Variants in FAM222B observed in about 807,000 individuals in gnomAD.
The protein encoded by FAM222B is protein FAM222B.
Under a neutral mutation model 38.0 loss-of-function variants are expected in FAM222B, and 12 were observed. That is an observed-to-expected ratio of 0.32 (90% CI 0.20 to 0.51). FAM222B has a LOEUF of 0.51. FAM222B is among the 20% of genes least tolerant of loss of function. The pLI, the probability that FAM222B is intolerant of heterozygous loss-of-function variation, is 0.97. For synonymous variants in FAM222B, 329 were observed against 317.2 expected (o/e 1.04, Z -0.40); for missense variants, 716 against 754.2 (o/e 0.95, Z 0.59).
intron 1 of FAM222B, among the ~76,000 whole-genome samples, chr17:28,819,410 A>C (rs1034137519): frequency 6.6e-6 from 1 of 152,180 alleles, no homozygotes. Context: ...AAAATTATAT[A>C]TATATTCCAT....
Position 28,812,866 on chromosome 17 carries a change from G to T in FAM222B, c.-41+29816C>A, listed in dbSNP as rs376880459. ...CAGCAATTGCCACCTGGAGACACTC[G>T]ACAGTAAAAAGATGCTCCCCAAGCC... On this transcript the variant is annotated intron_variant, in intron 1 of 2. Transcript: ENST00000581407. Among the ~76,000 whole-genome samples the T allele has an allele frequency of 2.6e-5, 4 of 151,072 alleles. No homozygotes were observed. In the East Asian group the frequency reaches 5.8e-4, roughly 22 times the overall value.
chr17:28,792,721 C>T (rs1306958839), intron 1 of FAM222B, among the ~76,000 whole-genome samples: 1 of 149,278 alleles, frequency 6.7e-6, no homozygotes, highest in Non-Finnish European at 1.5e-5. Flanking sequence ...GTGGAAGTTG[C>T]AGTGAGCCAA....
chr17:28,794,523 CTT>C (rs1057437611), intron 1 of FAM222B, among the ~76,000 whole-genome samples: 1 of 151,936 alleles, frequency 6.6e-6, no homozygotes, highest in African/African-American at 2.4e-5. Flanking sequence ...CCCGGCCTGT[CTT>C]TTGCATTTTA....
chr17:28,842,829 C>T (rs2039098198), upstream of FAM222B: 1 of 152,690 alleles, frequency 6.5e-6, no homozygotes, highest in South Asian at 2.0e-4. Flanking sequence ...CGTGTAGCGC[C>T]TGGGCCCTTT....
rs201541427 is a variant in FAM222B, at chr17:28,779,975, C to CT, written c.-40-13269dup. On this transcript the variant is annotated intron_variant, in intron 1 of 2. Coordinates refer to ENST00000581407, the MANE Select transcript of FAM222B (RefSeq NM_001077498.3). ...AAAAAGACAAGGACCACTCTAGCCA[C>CT]TTTTTTTTTTTTTGAGATGAAGTCT... Among the ~76,000 whole-genome samples the CT allele has an allele frequency of 7.6e-3, 1,095 of 144,374 alleles. 5 individuals carry two copies. The highest frequency in any genetic ancestry group is 0.012 in the Non-Finnish European group (757 of 65,676). The allele number at this position is 144,374 out of a possible 152,430, so 94.7% of individuals were successfully genotyped here.
At chr17:28,827,018 G>A (rs936568759) in intron 1 of FAM222B, among the ~76,000 whole-genome samples, 5 of 151,986 alleles carry the variant, frequency 3.3e-5, no homozygotes, top group African/African-American at 9.7e-5. Flanking sequence ...ACAGTGGCTA[G>A]TGTCTATTGT....
chr17:28,843,774 G>A (rs899786051), upstream of FAM222B, among the ~76,000 whole-genome samples: 3 of 152,062 alleles, frequency 2.0e-5, no homozygotes, highest in Non-Finnish European at 4.4e-5. Context: ...CAAGATGATC[G>A]TGTCTAGAAT....
chr17:28,814,441 G>A (rs2151934191), intron 1 of FAM222B, among the ~76,000 whole-genome samples: 1 of 152,240 alleles, frequency 6.6e-6, no homozygotes, highest in South Asian at 2.1e-4. Flanking sequence ...AAAAGGAGCT[G>A]TATGACATGC....
intron 1 of FAM222B, among the ~76,000 whole-genome samples, chr17:28,823,325 T>A (rs546299045): frequency 6.6e-6 from 1 of 151,460 alleles, no homozygotes; most frequent in African/African-American, 2.4e-5. Flanking sequence ...TTACGTGACC[T>A]CTATATAGCA....
intron 1 of FAM222B, among the ~76,000 whole-genome samples, chr17:28,811,059 CA>C (rs61081382): frequency 0.21 from 31,064 of 147,594 alleles, 3,311 homozygotes; most frequent in South Asian, 0.3. Context: ...AAAGTGTTGC[CA>C]AAAAAAAAAA....
chr17:28,836,235 G>T (rs1354013534), intron 1 of FAM222B, among the ~76,000 whole-genome samples: 3 of 151,754 alleles, frequency 2.0e-5, no homozygotes, highest in Non-Finnish European at 4.4e-5. Flanking sequence ...TGATCCACCC[G>T]CCTCGGCCTC....
intron 1 of FAM222B, among the ~76,000 whole-genome samples, chr17:28,795,341 C>T (rs1304879158): frequency 2.0e-5 from 3 of 152,222 alleles, no homozygotes; most frequent in South Asian, 4.1e-4. Flanking sequence ...GACAGGGTTT[C>T]GCCGTGTTGG....
Position 28,759,699 on chromosome 17 carries a change from C to T in FAM222B, c.260G>A (p.Arg87His), listed in dbSNP as rs1218556893. Residue 87 changes from arginine to histidine, a missense_variant, in exon 3 of 3, where the codon CGC (arginine) becomes CAC (histidine). Coordinates refer to ENST00000581407, the MANE Select transcript of FAM222B (RefSeq NM_001077498.3). The surrounding 1 kb of genome is among the most constrained non-coding windows in gnomAD (Gnocchi z 4.8). ...TVNGLDTSAQ[R>H]YSPYPTQAAT... ...AGCCTGTGTCGGGTAGGGGCTGTAG[C>T]GCTGGGCTGATGTGTCGAGGCCGTT... is the stretch of plus-strand genomic sequence containing the variant. The T allele has an allele frequency of 1.2e-6, 2 of 1,613,494 alleles. No homozygotes were observed. The highest frequency in any genetic ancestry group is 1.7e-6 in the Non-Finnish European group (2 of 1,179,750).
At chr17:28,854,842 A>C in intron 1 of FAM222B, 1 of 578,032 alleles carries the variant, frequency 1.7e-6, no homozygotes, top group Non-Finnish European at 2.9e-6. Flanking sequence ...GCTTGCACAG[A>C]CTCTAAATAC....
At chr17:28,795,520 C>T (rs2036899694) in intron 1 of FAM222B, among the ~76,000 whole-genome samples, 3 of 152,194 alleles carry the variant, frequency 2.0e-5, no homozygotes, top group Admixed American at 6.5e-5. Context: ...CTCGACTTCC[C>T]GGGCTCAGGT....
chr17:28,758,755 C>T lies in FAM222B; in HGVS notation c.1204G>A (p.Gly402Ser). The change falls in exon 3 of 3, where the codon GGC (glycine) becomes AGC (serine). Residue 402 changes from glycine (G) to serine (S), a missense_variant. Transcript: ENST00000581407. ...TAGGCAGGGGCCTTGCCCACAAAGC[C>T]AGGCCCTGCCAACTCGCGTCCTGCC... ...HAAGRELAGP[G>S]FVGKAPAYPQ... 1.3e-6 allele frequency: 2 copies of T among 1,574,676 alleles called. No homozygotes were observed. The highest frequency in any genetic ancestry group is 1.7e-6 in the Non-Finnish European group (2 of 1,158,424).
chr17:28,811,496 GTTTT>G (rs1008541188), intron 1 of FAM222B, among the ~76,000 whole-genome samples: 1 of 152,082 alleles, frequency 6.6e-6, no homozygotes, highest in Admixed American at 6.6e-5. Context: ...CTGGAGGTTT[GTTTT>G]TTTAAGTTTG....
At chr17:28,809,517 A>C (rs986615888) in intron 1 of FAM222B, among the ~76,000 whole-genome samples, 3 of 152,194 alleles carry the variant, frequency 2.0e-5, no homozygotes, top group African/African-American at 7.2e-5. Context: ...CAGATGACCA[A>C]ATTCCAGGAT....
At chr17:28,775,838 G>A (rs558142515) in intron 1 of FAM222B, among the ~76,000 whole-genome samples, 2 of 150,166 alleles carry the variant, frequency 1.3e-5, no homozygotes, top group African/African-American at 2.5e-5. Context: ...CCGAGATGGC[G>A]CCACTACACT....
Sources: gnomAD v4.1 joint callset for allele counts (sites outside exome capture counted in the v4.1 genomes callset) on GRCh38, gnomAD v4.1.1 for gene constraint, Gnocchi (gnomAD v3.1) non-coding constraint, MANE v1.5 for transcripts, NCBI Gene and HGNC (gene_info 2026-07-23, HGNC 2026-07-21) for gene names.